Variants in KPNA4 observed in about 807,000 individuals in gnomAD.
The protein encoded by KPNA4 is karyopherin subunit alpha 4, also known as importin subunit alpha-3.
Under a neutral mutation model 71.3 loss-of-function variants are expected in KPNA4, and 13 were observed. The observed-to-expected ratio is 0.18, with a 90% CI of 0.12 to 0.29. The LOEUF is 0.29. Among genes scored for constraint, KPNA4 ranks in the 10% least tolerant of loss-of-function variants. KPNA4 has a pLI of 1.00. For missense variants in KPNA4, 334 were observed against 603.2 expected (o/e 0.55, Z 4.67); for synonymous variants, 189 against 195.2 (o/e 0.97, Z 0.26).
chr3:160,527,765 A>G lies in KPNA4; in HGVS notation c.556+188T>C, dbSNP rs3773373. Among the ~76,000 whole-genome samples the G allele has an allele frequency of 1.8e-3, 278 of 152,308 alleles. 7 individuals carry two copies. In the East Asian group the frequency reaches 0.037, roughly 20 times the overall value. On this transcript the variant is annotated intron_variant, in intron 8 of 16. Coordinates refer to ENST00000334256, the MANE Select transcript of KPNA4 (RefSeq NM_002268.5). ...CTATATACCAAAAAAATGGTATCTT[A>G]AGCAACAAAAATTCTATTTACTATG...
chr3:160,502,276 C>T (rs1402222195), intron 16 of KPNA4, 74 bp from the exon 17 acceptor site: 2 of 629,588 alleles, frequency 3.2e-6, no homozygotes, highest in Non-Finnish European at 2.5e-6. Flanking sequence ...AGTACTAATC[C>T]CATTACCCTT....
intron 11 of KPNA4, among the ~76,000 whole-genome samples, chr3:160,518,960 T>C (rs1721290118): frequency 6.6e-6 from 1 of 152,232 alleles, no homozygotes; most frequent in Non-Finnish European, 1.5e-5. Context: ...TTTATGCCAG[T>C]ATCACAAAAT....
intron 1 of KPNA4, among the ~76,000 whole-genome samples, chr3:160,541,649 GCA>G (rs60806533): frequency 0.12 from 18,090 of 146,578 alleles, 1,208 homozygotes; most frequent in South Asian, 0.21. Context: ...TTATATACGC[GCA>G]CACACACACA....
Position 160,508,180 on chromosome 3 carries a change from A to G in KPNA4, c.1299T>C (p.Asp433=). Residue 433 remains aspartate, a synonymous_variant, in exon 15 of 17, where the codon GAT becomes GAC. Transcript: ENST00000334256. ...CCATTTTTAATATATTACTTAGTCC[A>G]TCGAGTACTACTTGCACAACTTGTG... The part of the protein sequence containing the change: ...KDAQVVQVVL[D]GLSNILKMAE... 1.2e-6 allele frequency: 2 copies of G among 1,612,516 alleles called. No individual in the cohort carries two copies. Among genetic ancestry groups the G allele is most frequent in the Non-Finnish European group, 1.7e-6 (2 of 1,179,288 alleles).
At chr3:160,562,550 T>C (rs919276227) in intron 1 of KPNA4, among the ~76,000 whole-genome samples, 1 of 152,188 alleles carries the variant, frequency 6.6e-6, no homozygotes, top group Admixed American at 6.5e-5. Flanking sequence ...AGACCAGATA[T>C]GTAAGTAACA....
intron 8 of KPNA4, among the ~76,000 whole-genome samples, chr3:160,527,050 T>C (rs550212970): frequency 2.0e-5 from 3 of 152,298 alleles, no homozygotes; most frequent in Admixed American, 6.5e-5. Flanking sequence ...TGGCCCTGTA[T>C]AAGGGCAATA....
chr3:160,538,811 C>A (rs1444890598), intron 1 of KPNA4, among the ~76,000 whole-genome samples: 3 of 152,268 alleles, frequency 2.0e-5, no homozygotes, highest in African/African-American at 7.2e-5. Context: ...AAGGCCTTAA[C>A]TAATACACTA....
intron 14 of KPNA4, among the ~76,000 whole-genome samples, chr3:160,508,608 G>C (rs548673471): frequency 6.6e-6 from 1 of 151,508 alleles, no homozygotes; most frequent in African/African-American, 2.4e-5. Flanking sequence ...AATGGAGGCT[G>C]TATGCTATTT....
At chr3:160,524,711 G>A (rs1721427476) in intron 10 of KPNA4, among the ~76,000 whole-genome samples, 1 of 152,060 alleles carries the variant, frequency 6.6e-6, no homozygotes, top group African/African-American at 2.4e-5. Context: ...CTATTAAGGA[G>A]CCAAAACCAA....
chr3:160,541,128 T>C (rs1235229747), intron 1 of KPNA4, among the ~76,000 whole-genome samples: 1 of 151,756 alleles, frequency 6.6e-6, no homozygotes, highest in African/African-American at 2.4e-5. Flanking sequence ...TTCCACTTAA[T>C]TGCTCCTTAA....
rs76989064 is a variant in KPNA4 at position 160,551,940 on chromosome 3, G to T, written c.69+13274C>A. Among the ~76,000 whole-genome samples the T allele has an allele frequency of 5.7e-3, 308 of 54,278 alleles. 5 individuals carry two copies. Among genetic ancestry groups the T allele is most frequent in the Non-Finnish European group, 7.9e-3 (234 of 29,668 alleles). 35.6% of individuals were successfully genotyped at this position (54,278 alleles called of 152,430 possible). Reference sequence around the variant, plus strand: ...AAGACTGTTCTTGGTTGTCACAACTGGGGGGGGGGGGGTGATGTGCTACTG... The same window carrying T: ...AAGACTGTTCTTGGTTGTCACAACTTGGGGGGGGGGGGTGATGTGCTACTG... On this transcript the variant is annotated intron_variant, in intron 1 of 16. Coordinates refer to ENST00000334256, the MANE Select transcript of KPNA4 (RefSeq NM_002268.5).
chr3:160,564,622 T>A (rs1428356537), intron 1 of KPNA4: 3 of 152,134 alleles, frequency 2.0e-5, no homozygotes, highest in African/African-American at 7.2e-5. Context: ...GGGGTGTTTT[T>A]TTCAACGGAG....
At chr3:160,514,460 A>G in intron 12 of KPNA4, among the ~76,000 whole-genome samples, 1 of 152,218 alleles carries the variant, frequency 6.6e-6, no homozygotes, top group East Asian at 1.9e-4. Flanking sequence ...TGGCTGAACA[A>G]ATTTGAATGA....
rs1216354106 is a variant in KPNA4 at position 160,495,566 on chromosome 3, A to C, written c.*6538T>G. 1 of 152,096 alleles carries C rather than the reference A, an allele frequency of 6.6e-6. No individual in the cohort carries two copies. The highest frequency in any genetic ancestry group is 1.5e-5 in the Non-Finnish European group (1 of 68,024). The allele number at this position is 152,096 out of a possible 1,614,324, so 9.4% of individuals were successfully genotyped here. The stretch of plus-strand genomic sequence containing the variant: ...GCTTGTCTATATGAGTTCTATAAAC[A>C]TATGTAATTTTACCTTAACTAAAAG... On this transcript the variant is annotated 3_prime_UTR_variant, in exon 17 of 17. Coordinates refer to ENST00000334256, the MANE Select transcript of KPNA4 (RefSeq NM_002268.5).
Position 160,526,102 on chromosome 3 carries a change from C to T in KPNA4, c.562G>A (p.Gly188Arg). ...VWALGNIIGD[G>R]PQCRDYVISL... ...ATGACATAATCTCTACACTGGGGCC[C>T]ATCACCTGTAGAAAAAAAGGATTAA... Residue 188 changes from glycine (G) to arginine (R), a missense_variant, in exon 9 of 17, where the codon GGG becomes AGG. By Grantham distance (125) the Gly-to-Arg change is moderately radical (BLOSUM62 -2). Transcript: ENST00000334256. 6.6e-7 allele frequency: 1 copy of T among 1,516,008 alleles called. No homozygotes were observed. The highest frequency in any genetic ancestry group is 8.8e-7 in the Non-Finnish European group (1 of 1,138,694). The allele number at this position is 1,516,008 out of a possible 1,614,324, so 93.9% of individuals were successfully genotyped here. A position where few individuals can be genotyped will look rare whatever the true frequency, so the allele number is the denominator to read the frequency against.
chr3:160,508,070 C>T (rs370968215), intron 15 of KPNA4, 37 bp downstream of exon 15: 4 of 1,506,190 alleles, frequency 2.7e-6, no homozygotes, highest in Non-Finnish European at 3.6e-6. Context: ...ACAAAGAGAA[C>T]ATTAAGATGT....
rs755740435 is a variant in KPNA4 at position 160,535,741 on chromosome 3, C to A, written c.205-51G>T. ...TCAGTTAAAAAGTCACCTTAAAATT[C>A]TCTTATTAATGTGAAATCTTTCACT... On this transcript the variant is annotated intron_variant, in intron 3 of 16. Coordinates refer to ENST00000334256, the MANE Select transcript of KPNA4 (RefSeq NM_002268.5). 23 of 1,566,932 alleles carry A rather than the reference C, an allele frequency of 1.5e-5. No homozygotes were observed. In the African/African-American group the frequency reaches 1.8e-4, roughly 12 times the overall value.
At chr3:160,514,585 CTCTAT>C (rs1431596452) in intron 12 of KPNA4, among the ~76,000 whole-genome samples, 2 of 152,138 alleles carry the variant, frequency 1.3e-5, no homozygotes, top group Non-Finnish European at 2.9e-5. Flanking sequence ...GTGCTTTATT[CTCTAT>C]TCTATTCTGA....
intron 7 of KPNA4, 34 bp from the exon 8 acceptor site, chr3:160,528,073 G>A (rs377189922): frequency 2.0e-6 from 3 of 1,525,404 alleles, no homozygotes; most frequent in Non-Finnish European, 2.7e-6. Flanking sequence ...ACTTAAGGTT[G>A]AAGATACCAT....
Sources: allele counts gnomAD v4.1 joint callset (sites outside exome capture counted in the v4.1 genomes callset), GRCh38; gene constraint gnomAD v4.1.1; transcripts MANE v1.5; gene names NCBI Gene and HGNC (gene_info 2026-07-23, HGNC 2026-07-21).